Variants in VAPB observed in about 807,000 individuals in gnomAD.
VAPB encodes vesicle-associated membrane protein-associated protein B/C.
Under a neutral mutation model 25.6 loss-of-function variants are expected in VAPB, and 7 were observed. The observed-to-expected ratio is 0.27, with a 90% confidence interval of 0.16 to 0.51. The LOEUF (loss-of-function observed/expected upper bound fraction) is 0.51. VAPB is among the 20% of genes least tolerant of loss of function. The probability of loss-of-function intolerance (pLI) is 0.97; values close to 1 mark genes in which losing one functional copy is unlikely to be tolerated. For missense variants in VAPB, 266 were observed against 301.3 expected, an observed-to-expected ratio of 0.88 and a Z score of 0.87; for synonymous variants, 112 against 109.2, an observed-to-expected ratio of 1.03 and a Z score of -0.16.
chr20:58,402,515 C>CGTGA (rs1466453090), intron 1 of VAPB, among the ~76,000 whole-genome samples: 1 of 151,312 alleles, frequency 6.6e-6, no homozygotes, highest in East Asian at 1.9e-4. Context: ...TCATTGGCAA[C>CGTGA]GTGATACGTG....
At chr20:58,405,304 A>C (rs1255844453) in intron 1 of VAPB, among the ~76,000 whole-genome samples, 1 of 152,152 alleles carries the variant, frequency 6.6e-6, no homozygotes, top group East Asian at 1.9e-4. Flanking sequence ...TTCAAGGAGC[A>C]GCAAGGTATG....
chr20:58,439,440 C>T (rs1989114814), intron 4 of VAPB: 1 of 242,248 alleles, frequency 4.1e-6, no homozygotes, highest in Non-Finnish European at 8.2e-6. Context: ...GCCTCCCTAC[C>T]CCTTTTACCC....
intron 2 of VAPB, among the ~76,000 whole-genome samples, chr20:58,425,462 CAA>C (rs553189313): frequency 2.7e-3 from 408 of 152,264 alleles, no homozygotes; most frequent in African/African-American, 9.1e-3. Flanking sequence ...TTAGCTAACG[CAA>C]AAAATGCAAA....
At chr20:58,414,169 C>G (rs1255944490) in intron 1 of VAPB, among the ~76,000 whole-genome samples, 1 of 93,152 alleles carries the variant, frequency 1.1e-5, no homozygotes, top group Non-Finnish European at 2.2e-5. Flanking sequence ...GCTGGCCGGG[C>G]GGGGGGCTGA....
At chr20:58,421,099 T>C (rs900216245) in intron 2 of VAPB, among the ~76,000 whole-genome samples, 1 of 152,192 alleles carries the variant, frequency 6.6e-6, no homozygotes, top group Non-Finnish European at 1.5e-5. Context: ...ATTAGTGGAT[T>C]TGAGGTCGGG....
At chr20:58,425,241 A>G (rs1020504824) in intron 2 of VAPB, among the ~76,000 whole-genome samples, 11 of 152,138 alleles carry the variant, frequency 7.2e-5, no homozygotes, top group Non-Finnish European at 1.5e-4. Flanking sequence ...GAGGACGGGG[A>G]GTGCGAGACT....
At chr20:58,440,685 C>A in intron 4 of VAPB, 1 of 463,204 alleles carries the variant, frequency 2.2e-6, no homozygotes, top group Admixed American at 3.4e-5. Context: ...TAGTCTCAGC[C>A]GAACTTCATT....
At chr20:58,421,652 G>A (rs1039926147) in intron 2 of VAPB, among the ~76,000 whole-genome samples, 3 of 152,034 alleles carry the variant, frequency 2.0e-5, no homozygotes, top group African/African-American at 4.8e-5. Context: ...CTAGCTATTC[G>A]GGAAGGCTGT....
chr20:58,441,196 T>TA, intron 5 of VAPB, 113 bp downstream of exon 5: 1 of 1,243,774 alleles, frequency 8.0e-7, no homozygotes. Context: ...CTTTTGGTAT[T>TA]TGGCTATTTT....
intron 1 of VAPB, among the ~76,000 whole-genome samples, chr20:58,414,485 A>G (rs1247776087): frequency 6.0e-5 from 9 of 149,974 alleles, no homozygotes; most frequent in Admixed American, 5.3e-4. Flanking sequence ...GTTGCCGGGC[A>G]GAGGGTCTCC....
At chr20:58,390,025 A>C (rs1275371460) in intron 1 of VAPB, 1 of 155,106 alleles carries the variant, frequency 6.4e-6, no homozygotes, top group African/African-American at 2.4e-5. Flanking sequence ...CACTGTTTCA[A>C]TACTAGAAGG....
chr20:58,403,111 G>A (rs761971752), intron 1 of VAPB, among the ~76,000 whole-genome samples: 5 of 152,184 alleles, frequency 3.3e-5, no homozygotes, highest in African/African-American at 9.7e-5. Context: ...ACAGCCGATC[G>A]ATGTAGACAC....
At chr20:58,415,685 G>A (rs1030890652) in intron 1 of VAPB, among the ~76,000 whole-genome samples, 2 of 152,122 alleles carry the variant, frequency 1.3e-5, no homozygotes, top group Non-Finnish European at 2.9e-5. Flanking sequence ...AAATTCATTG[G>A]TGGTAAATAT....
At chr20:58,410,487 G>C (rs1051393956) in intron 1 of VAPB, among the ~76,000 whole-genome samples, 1 of 151,982 alleles carries the variant, frequency 6.6e-6, no homozygotes, top group African/African-American at 2.4e-5. Flanking sequence ...AGCGATCTTC[G>C]CTCACTGTAA....
chr20:58,434,218 A>G (rs917744773), intron 2 of VAPB, among the ~76,000 whole-genome samples: 2 of 152,222 alleles, frequency 1.3e-5, no homozygotes, highest in Admixed American at 6.5e-5. Flanking sequence ...AGATTATTCT[A>G]TTTAATTCCT....
intron 1 of VAPB, among the ~76,000 whole-genome samples, chr20:58,397,461 G>A (rs1987988224): frequency 6.6e-6 from 1 of 151,686 alleles, no homozygotes; most frequent in Non-Finnish European, 1.5e-5. Flanking sequence ...GGAGGTTGCG[G>A]TGAGCCGAGA....
At chr20:58,391,301 A>AG (rs779970823) in intron 1 of VAPB, among the ~76,000 whole-genome samples, 9 of 152,162 alleles carry the variant, frequency 5.9e-5, no homozygotes, top group Non-Finnish European at 1.0e-4. Flanking sequence ...ACTTTAGGGA[A>AG]GGGGGCAGAT....
chr20:58,430,524 T>C (rs1988903742), intron 2 of VAPB, among the ~76,000 whole-genome samples: 3 of 152,156 alleles, frequency 2.0e-5, no homozygotes, highest in Admixed American at 2.0e-4. Flanking sequence ...CCTCCCAAAG[T>C]TCTGGGATTA....
At position 58,396,673 on chromosome 20, in the gene VAPB, G is replaced by A. The variant is rs150875781; in HGVS notation, c.58+7156G>A. 1.5e-3 allele frequency among the ~76,000 whole-genome samples: 221 copies of A among 152,232 alleles called. 1 individual carries two copies. Among genetic ancestry groups the A allele is most frequent in the African/African-American group, 4.9e-3 (203 of 41,550 alleles). On this transcript the variant is annotated intron_variant, in intron 1 of 5. Transcript: ENST00000475243. ...TGCCCCCCAACACCCCGTTGGGTCG[G>A]GTCTGGAGTTAAAAGCAGTGGCTGA...
Sources: allele counts gnomAD v4.1 joint callset (sites outside exome capture counted in the v4.1 genomes callset), GRCh38; gene constraint gnomAD v4.1.1; transcripts MANE v1.5; gene names NCBI Gene and HGNC (gene_info 2026-07-23, HGNC 2026-07-21).